Variants in YJEFN3 observed in about 807,000 individuals in gnomAD.
YJEFN3 encodes the protein YjeF N-terminal domain containing 3.
Under a neutral mutation model 31.5 loss-of-function variants are expected in YJEFN3, and 29 were observed. The ratio of observed to expected loss-of-function variants is 0.92; its 90% CI spans 0.69 to 1.26. The LOEUF is 1.26. YJEFN3 is among the 50% of genes most tolerant of loss of function. The probability of loss-of-function intolerance (pLI) is 0.00; values close to 1 mark genes in which losing one functional copy is unlikely to be tolerated. For missense variants in YJEFN3, 442 were observed against 425.4 expected (o/e 1.04, Z -0.34); for synonymous variants, 227 against 196.1 (o/e 1.16, Z -1.32).
chr19:19,535,128 G>A lies in YJEFN3; in HGVS notation c.413G>A (p.Arg138Gln), dbSNP rs202057353. The change falls in exon 4 of 7, where the codon CGG becomes CAG. Residue 138 changes from arginine to glutamine, a missense_variant. Coordinates refer to ENST00000514277, the MANE Select transcript of YJEFN3 (RefSeq NM_198537.4). Reference protein sequence around the residue: ...QNGAVGLVCARHLRVFEYEPT... With the variant: ...QNGAVGLVCAQHLRVFEYEPT... ...GGGGCAGTGGGGCTGGTCTGTGCCC[G>A]GCACCTGCGGGTGTTTGTAAGTAGC... 90 of 1,606,612 alleles carry A rather than the reference G, an allele frequency of 5.6e-5. No homozygotes were observed. The highest frequency in any genetic ancestry group is 1.7e-4 in the South Asian group (15 of 90,340).
intron 4 of YJEFN3, 54 bp from the exon 5 acceptor site, chr19:19,535,283 C>T: frequency 6.4e-7 from 1 of 1,568,588 alleles, no homozygotes; most frequent in Non-Finnish European, 8.7e-7. Flanking sequence ...CAGGCAGGGT[C>T]TGGTGCTGGT....
intron 6 of YJEFN3, chr19:19,535,994 C>G: frequency 3.6e-6 from 2 of 561,154 alleles, no homozygotes; most frequent in Non-Finnish European, 6.3e-6. Flanking sequence ...GCTGCCGCCC[C>G]ATGCCTGTTG....
At chr19:19,529,331 C>T in intron 1 of YJEFN3, 33 bp from the exon 2 acceptor site, 1 of 1,587,854 alleles carries the variant, frequency 6.3e-7, no homozygotes, top group Admixed American at 1.8e-5. Context: ...CGAACCCCAA[C>T]CGTGGCCCAC....
chr19:19,535,421 A>G lies in YJEFN3; in HGVS notation c.514A>G (p.Ile172Val). 1.2e-6 allele frequency: 2 copies of G among 1,614,006 alleles called. No homozygotes were observed. Among genetic ancestry groups the G allele is most frequent in the Non-Finnish European group, 1.7e-6 (2 of 1,179,992 alleles). Reference sequence around the variant, plus strand: ...GACCACCCAGTGCGAGAAGATGGACATCCCCTTCCTGAGCTACCTGCCCAC... The same window carrying G: ...GACCACCCAGTGCGAGAAGATGGACGTCCCCTTCCTGAGCTACCTGCCCAC... Reference protein sequence around the residue: ...DLTTQCEKMDIPFLSYLPTEV... With the variant: ...DLTTQCEKMDVPFLSYLPTEV... The change falls in exon 5 of 7, where the codon ATC becomes GTC. Residue 172 changes from isoleucine (I) to valine (V), a missense_variant. Physicochemically the swap from Ile to Val is conservative, Grantham distance 29 (BLOSUM62 3). Coordinates refer to ENST00000514277, the MANE Select transcript of YJEFN3 (RefSeq NM_198537.4).
chr19:19,535,871 C>A (rs1316039213), intron 6 of YJEFN3, 192 bp downstream of exon 6: 4 of 761,454 alleles, frequency 5.3e-6, no homozygotes, highest in Non-Finnish European at 6.6e-6. Context: ...CCAGGTGACC[C>A]CAGGTCTCCT....
Position 19,537,490 on chromosome 19 carries a change from G to A in YJEFN3, c.866G>A (p.Gly289Glu). The change falls in exon 7 of 7, where the codon GGA (glycine) becomes GAA (glutamate). Residue 289 changes from glycine (G) to glutamate (E), a missense_variant. Physicochemically the swap from Gly to Glu is moderately conservative, Grantham distance 98. Transcript: ENST00000514277. Reference protein sequence around the residue: ...VRRKFALRLPGYTGTDCVAAL With the variant: ...VRRKFALRLPEYTGTDCVAAL ...CGCAAGTTCGCTCTGCGCCTGCCGGGATACACGGGCACCGACTGCGTCGCG... is the reference window on the plus strand; with the variant it reads ...CGCAAGTTCGCTCTGCGCCTGCCGGAATACACGGGCACCGACTGCGTCGCG... 6.3e-7 allele frequency: 1 copy of A among 1,579,010 alleles called. No homozygotes were observed. The highest frequency in any genetic ancestry group is 8.6e-7 in the Non-Finnish European group (1 of 1,166,978).
At position 19,531,253 on chromosome 19, in the gene YJEFN3, C is replaced by G. The variant is rs2144656699; in HGVS notation, c.210-1379C>G. On this transcript the variant is annotated intron_variant, in intron 2 of 6. Transcript: ENST00000514277. The stretch of plus-strand genomic sequence containing the variant: ...ACATCCACCATCTGTAGGTCTGGCT[C>G]TATGTCTTTGTTCATGTCCTGTGGC... 2.0e-5 allele frequency among the ~76,000 whole-genome samples: 3 copies of G among 152,304 alleles called. 1 individual carries two copies. The Middle Eastern group carries it at 0.01, about 518-fold the overall frequency.
Position 19,534,824 on chromosome 19 carries a change from A to G in YJEFN3, c.319-210A>G, listed in dbSNP as rs1324935211. ...CACGTTTTTCCTGCACCGACCTGGC[A>G]GAGCCTGAGACCGGGCCTCTGCATC... On this transcript the variant is annotated intron_variant, in intron 3 of 6. Transcript: ENST00000514277. This position sits in a 1 kb window ranked among gnomAD's most constrained non-coding sequence, Gnocchi z 4.6. 2 of 413,504 alleles carry G rather than the reference A, an allele frequency of 4.8e-6. No homozygotes were observed. The highest frequency in any genetic ancestry group is 8.5e-6 in the Non-Finnish European group (2 of 234,776). 25.6% of individuals were successfully genotyped at this position (413,504 alleles called of 1,614,324 possible). A position where few individuals can be genotyped will look rare whatever the true frequency, so the allele number is the denominator to read the frequency against.
At position 19,535,553 on chromosome 19, in the gene YJEFN3, G is replaced by A. The variant is rs550772106; in HGVS notation, c.568G>A (p.Gly190Arg). 2 of 1,594,158 alleles carry A rather than the reference G, an allele frequency of 1.3e-6. No individual in the cohort carries two copies. The highest frequency in any genetic ancestry group is 1.3e-5 in the African/African-American group (1 of 74,610). Residue 190 changes from glycine to arginine, a missense_variant, in exon 6 of 7, where the codon GGG becomes AGG. Transcript: ENST00000514277. The part of the protein sequence containing the change: ...TEVQLINEAY[G>R]LVVDAVLGPG... ...GGTGCAGCTCATTAACGAAGCCTAT[G>A]GGCTGGTGGTGGATGCCGTACTGGG...
chr19:19,535,906 C>T (rs1409219939), intron 6 of YJEFN3: 2 of 644,862 alleles, frequency 3.1e-6, no homozygotes, highest in African/African-American at 3.6e-5. Context: ...AGTGCCCAGC[C>T]CACATGCCCT....
Position 19,537,455 on chromosome 19 carries a change from T to A in YJEFN3, c.831T>A (p.Asp277Glu). ...TCGTGGCCGGCAGGTTCGTGCCCGATGACGTGCGCCGCAAGTTCGCTCTGC... is the reference window on the plus strand; with the variant it reads ...TCGTGGCCGGCAGGTTCGTGCCCGAAGACGTGCGCCGCAAGTTCGCTCTGC... The part of the protein sequence containing the change: ...HHFVAGRFVP[D>E]DVRRKFALRL... Residue 277 changes from aspartate (D) to glutamate (E), a missense_variant, in exon 7 of 7, where the codon GAT becomes GAA. Asp to Glu is a conservative substitution (Grantham distance 45). Transcript: ENST00000514277. The A allele has an allele frequency of 6.3e-7, 1 of 1,587,684 alleles. No homozygotes were observed. The highest frequency in any genetic ancestry group is 8.5e-7 in the Non-Finnish European group (1 of 1,173,138).
At chr19:19,535,702 C>T (rs2061202893) in intron 6 of YJEFN3, 23 bp downstream of exon 6, 1 of 1,545,414 alleles carries the variant, frequency 6.5e-7, no homozygotes, top group African/African-American at 1.4e-5. Context: ...GAGGGGGGCA[C>T]ATTGGGGCCT....
rs540876092 is a variant in YJEFN3, at chr19:19,536,754, A to G, written c.695-565A>G. Among the ~76,000 whole-genome samples, 45 of 150,960 alleles carry G rather than the reference A, an allele frequency of 3.0e-4. No individual in the cohort carries two copies. The South Asian group carries it at 8.5e-3, about 28-fold the overall frequency. On this transcript the variant is annotated intron_variant, in intron 6 of 6. Coordinates refer to ENST00000514277, the MANE Select transcript of YJEFN3 (RefSeq NM_198537.4). ...TGGGAGGCCGAGGTGGGCAGATCAC[A>G]AGGTCAGGAGTTCGAGACCAGCCTG...
intron 2 of YJEFN3, among the ~76,000 whole-genome samples, chr19:19,530,995 A>C (rs536618336): frequency 1.5e-4 from 23 of 152,088 alleles, no homozygotes; most frequent in African/African-American, 5.1e-4. Context: ...TGAACATACC[A>C]GGCTCCTCCC....
intron 1 of YJEFN3, 129 bp from the exon 2 acceptor site, chr19:19,529,235 C>A: frequency 6.9e-7 from 1 of 1,452,572 alleles, no homozygotes; most frequent in Non-Finnish European, 9.1e-7. Flanking sequence ...TTGCTGGAGA[C>A]ACTAAGCTGC....
At chr19:19,530,773 T>G (rs2061147766) in intron 2 of YJEFN3, among the ~76,000 whole-genome samples, 1 of 152,202 alleles carries the variant, frequency 6.6e-6, no homozygotes, top group Admixed American at 6.5e-5. Flanking sequence ...TTCAACTTCA[T>G]CCTATGTCAG....
At chr19:19,529,057 A>T in intron 1 of YJEFN3, 66 bp downstream of exon 1, 3 of 1,539,710 alleles carry the variant, frequency 1.9e-6, no homozygotes, top group Non-Finnish European at 2.6e-6. Flanking sequence ...AGCCCGTAGG[A>T]CCGGAGGCAG....
intron 5 of YJEFN3, 24 bp downstream of exon 5, chr19:19,535,474 G>A (rs1460576071): frequency 1.2e-6 from 2 of 1,613,586 alleles, no homozygotes; most frequent in Non-Finnish European, 1.7e-6. Context: ...GGCAAGCAAG[G>A]GGGACATGGT....
Position 19,537,574 on chromosome 19 carries a change from C to G in YJEFN3, c.*50C>G. 1 of 1,458,672 alleles carries G rather than the reference C, an allele frequency of 6.9e-7. No individual in the cohort carries two copies. The highest frequency in any genetic ancestry group is 1.4e-5 in the African/African-American group (1 of 71,056). 90.4% of individuals were successfully genotyped at this position (1,458,672 alleles called of 1,614,324 possible). On this transcript the variant is annotated 3_prime_UTR_variant, in exon 7 of 7. Coordinates refer to ENST00000514277, the MANE Select transcript of YJEFN3 (RefSeq NM_198537.4). Reference sequence around the variant, plus strand: ...GGACCCTCGCCAATAAACAGCCCTCCCACCACCGCCGCCTCGCCTCCGCCT... The same window carrying G: ...GGACCCTCGCCAATAAACAGCCCTCGCACCACCGCCGCCTCGCCTCCGCCT...
Sources: gnomAD v4.1 joint callset for allele counts (sites outside exome capture counted in the v4.1 genomes callset) on GRCh38, gnomAD v4.1.1 for gene constraint, Gnocchi (gnomAD v3.1) non-coding constraint, MANE v1.5 for transcripts, NCBI Gene and HGNC (gene_info 2026-07-23, HGNC 2026-07-21) for gene names.